Variants in ZNF709 observed in about 807,000 individuals in gnomAD.
ZNF709 encodes the protein zinc finger protein 709.
In ZNF709, 15 loss-of-function variants were observed where a neutral mutation model predicts 10.6. That is an observed-to-expected ratio of 1.41 (90% CI 0.95 to 2.18). The LOEUF is 2.18. Among genes scored for constraint, ZNF709 ranks in the 30% most tolerant of loss-of-function variants. The pLI, the probability that ZNF709 is intolerant of heterozygous loss-of-function variation, is 0.00. For synonymous variants in ZNF709, 194 were observed against 238.8 expected (o/e 0.81, Z 1.73); for missense variants, 589 against 774.0 (o/e 0.76, Z 2.84).
In ZNF709 at chr19:12,484,653, A is replaced by G. The variant is rs1385888847; in HGVS notation, c.3+2T>C. Reference sequence around the variant, plus strand: ...TCAAGACCCCCAGCCCCGCACACTTACCATTTCCCAGACTCTGGGATGTCC... The same window carrying G: ...TCAAGACCCCCAGCCCCGCACACTTGCCATTTCCCAGACTCTGGGATGTCC... On this transcript the variant is annotated splice_donor_variant, in intron 1 of 3. Transcript: ENST00000397732. LOFTEE classifies it high-confidence loss of function. 1 of 1,613,694 alleles carries G rather than the reference A, an allele frequency of 6.2e-7. No homozygotes were observed. Among genetic ancestry groups the G allele is most frequent in the African/African-American group, 1.3e-5 (1 of 74,916 alleles).
chr19:12,481,077 C>A, intron 1 of ZNF709: 1 of 751,124 alleles, frequency 1.3e-6, no homozygotes, highest in Non-Finnish European at 1.6e-6. Flanking sequence ...AGCCACGATG[C>A]CTGGCCTCTT....
At chr19:12,469,023 G>A (rs1970610630) in intron 1 of ZNF709, among the ~76,000 whole-genome samples, 1 of 152,118 alleles carries the variant, frequency 6.6e-6, no homozygotes, top group African/African-American at 2.4e-5. Flanking sequence ...TGTATATTTA[G>A]TAGAGACGGG....
At chr19:12,472,833 C>A (rs906112734) in intron 1 of ZNF709, among the ~76,000 whole-genome samples, 2 of 147,890 alleles carry the variant, frequency 1.4e-5, no homozygotes, top group South Asian at 2.2e-4. Flanking sequence ...CAGTGAGCCA[C>A]GATCGCGCCA....
At chr19:12,468,213 A>G (rs1189496157) in intron 1 of ZNF709, among the ~76,000 whole-genome samples, 1 of 152,264 alleles carries the variant, frequency 6.6e-6, no homozygotes, top group African/African-American at 2.4e-5. Flanking sequence ...CTCATTGAGA[A>G]CGGGCCATAA....
chr19:12,462,235 C>T lies in ZNF709; in HGVS notation c.*1761G>A, dbSNP rs1368788552. 2.0e-5 allele frequency: 3 copies of T among 152,276 alleles called. No individual in the cohort carries two copies. Among genetic ancestry groups the T allele is most frequent in the South Asian group, 2.1e-4 (1 of 4,824 alleles). 9.4% of individuals were successfully genotyped at this position (152,276 alleles called of 1,614,324 possible). A position where few individuals can be genotyped will look rare whatever the true frequency, so the allele number is the denominator to read the frequency against. ...GGTGGAAGCAGGTGTCCCTGAAGCT[C>T]CTATGCATCCATCTGTCTCCACATA... On this transcript the variant is annotated 3_prime_UTR_variant, in exon 4 of 4. Coordinates refer to ENST00000397732, the MANE Select transcript of ZNF709 (RefSeq NM_152601.4).
chr19:12,474,354 T>A (rs755921301), intron 1 of ZNF709, among the ~76,000 whole-genome samples: 1 of 152,230 alleles, frequency 6.6e-6, no homozygotes, highest in South Asian at 2.1e-4. Context: ...AATGGTGTTG[T>A]CAATGGCAGG....
At chr19:12,472,725 A>G (rs1227914204) in intron 1 of ZNF709, among the ~76,000 whole-genome samples, 1 of 152,038 alleles carries the variant, frequency 6.6e-6, no homozygotes, top group Non-Finnish European at 1.5e-5. Flanking sequence ...TCTACAAAAA[A>G]TACAAAAATT....
chr19:12,479,149 A>T (rs1014767878), intron 1 of ZNF709, among the ~76,000 whole-genome samples: 6 of 152,102 alleles, frequency 3.9e-5, no homozygotes, highest in African/African-American at 1.2e-4. Context: ...CAAAAAATTT[A>T]AAAATTAGCT....
In ZNF709 at chr19:12,466,456, A is replaced by G. The variant is rs1200689613; in HGVS notation, c.188+6T>C. The G allele has an allele frequency of 3.1e-6, 5 of 1,613,320 alleles. No homozygotes were observed. In the South Asian group the frequency reaches 5.5e-5, roughly 18 times the overall value. ...GACAGTATTTTCTTTTGTAAGTACA[A>G]CTCACCTTAGCTTTCTCCCCTGATT... On this transcript the variant is annotated splice_donor_region_variant and intron_variant, in intron 3 of 3. Coordinates refer to ENST00000397732, the MANE Select transcript of ZNF709 (RefSeq NM_152601.4).
intron 1 of ZNF709, among the ~76,000 whole-genome samples, chr19:12,476,083 G>C (rs886993679): frequency 1.3e-5 from 2 of 152,150 alleles, no homozygotes; most frequent in Admixed American, 1.3e-4. Context: ...GGCTCAAAAT[G>C]GATCACAGAA....
At chr19:12,467,877 T>G (rs1266400781) in intron 1 of ZNF709, among the ~76,000 whole-genome samples, 2 of 143,002 alleles carry the variant, frequency 1.4e-5, no homozygotes, top group African/African-American at 5.3e-5. Flanking sequence ...GCAGCCACCC[T>G]GTCTGGGAAG....
At chr19:12,480,986 G>A (rs538246374) in intron 1 of ZNF709, among the ~76,000 whole-genome samples, 1 of 148,456 alleles carries the variant, frequency 6.7e-6, no homozygotes, top group East Asian at 2.0e-4. Context: ...GTTTCGCCAT[G>A]TTGCCCACGC....
intron 1 of ZNF709, among the ~76,000 whole-genome samples, chr19:12,467,522 C>A (rs1284196020): frequency 6.6e-6 from 1 of 152,248 alleles, no homozygotes; most frequent in Non-Finnish European, 1.5e-5. Context: ...CTGCCTTGGC[C>A]TCCCAAAGTG....
At chr19:12,481,085 CTT>C (rs35937275) in intron 1 of ZNF709, 3 of 839,880 alleles carry the variant, frequency 3.6e-6, no homozygotes, top group Middle Eastern at 1.2e-3. Flanking sequence ...TGCCTGGCCT[CTT>C]TTAAATTTCC....
intron 1 of ZNF709, among the ~76,000 whole-genome samples, chr19:12,480,488 C>T (rs567698098): frequency 6.6e-6 from 1 of 152,162 alleles, no homozygotes; most frequent in South Asian, 2.1e-4. Context: ...TCAAGACCAT[C>T]CTCGCTAACA....
At chr19:12,467,797 CGTCTGGG>C (rs1568246463) in intron 1 of ZNF709, among the ~76,000 whole-genome samples, 13 of 151,382 alleles carry the variant, frequency 8.6e-5, no homozygotes, top group Non-Finnish European at 3.0e-5. Context: ...GCCGCGACCC[CGTCTGGG>C]AGGTGAGGAG....
intron 1 of ZNF709, among the ~76,000 whole-genome samples, chr19:12,473,284 C>T (rs1018722288): frequency 2.0e-5 from 3 of 152,212 alleles, no homozygotes; most frequent in Admixed American, 6.5e-5. Context: ...CAGCCTGTCA[C>T]TATCATGTGA....
At chr19:12,467,101 T>C (rs1970577565) in intron 1 of ZNF709, among the ~76,000 whole-genome samples, 1 of 152,184 alleles carries the variant, frequency 6.6e-6, no homozygotes, top group South Asian at 2.1e-4. Flanking sequence ...ACACAGCATC[T>C]TAGAGAAATG....
In ZNF709 at chr19:12,464,303, G is replaced by T. The variant is rs202242871; in HGVS notation, c.1619C>A (p.Ala540Glu). Reference protein sequence around the residue: ...KPYECKQCGKAFSCSSSIRIH... With the variant: ...KPYECKQCGKEFSCSSSIRIH... ...TCGAATGGAACTGGAACAACTAAAC[G>T]CCTTACCACACTGTTTACATTCATA... Residue 540 changes from alanine to glutamate, a missense_variant, in exon 4 of 4, where the codon GCG becomes GAG. By Grantham distance (107) the Ala-to-Glu change is moderately radical. Transcript: ENST00000397732. The T allele has an allele frequency of 6.5e-4, 1,045 of 1,606,790 alleles. 1 individual carries two copies. The highest frequency in any genetic ancestry group is 8.7e-4 in the Non-Finnish European group (1,024 of 1,176,722).
Sources: allele counts gnomAD v4.1 joint callset (sites outside exome capture counted in the v4.1 genomes callset), GRCh38; gene constraint gnomAD v4.1.1; transcripts MANE v1.5; gene names NCBI Gene and HGNC (gene_info 2026-07-23, HGNC 2026-07-21).